MAP3K2: variants seen among roughly 807,000 people sequenced by gnomAD.
The protein encoded by MAP3K2 is MAP/ERK kinase kinase 2.
Under a neutral mutation model 80.3 loss-of-function variants are expected in MAP3K2, and 24 were observed. The ratio of observed to expected loss-of-function variants is 0.30; its 90% CI spans 0.22 to 0.42. The LOEUF (loss-of-function observed/expected upper bound fraction) is 0.42, where lower values mean the gene tolerates loss of function less well. Ranked by LOEUF, MAP3K2 falls within the 10% of genes least tolerant of loss-of-function variation. The pLI, the probability that MAP3K2 is intolerant of heterozygous loss-of-function variation, is 1.00. For synonymous variants in MAP3K2, 244 were observed against 253.7 expected (o/e 0.96, Z 0.36); for missense variants, 608 against 750.1 (o/e 0.81, Z 2.21).
chr2:127,329,514 GC>G (rs1686210801), intron 7 of MAP3K2, among the ~76,000 whole-genome samples: 1 of 151,990 alleles, frequency 6.6e-6, no homozygotes, highest in Non-Finnish European at 1.5e-5. Context: ...GCACCACCAC[GC>G]CCAGCTAATT....
chr2:127,355,381 C>T (rs957018300), intron 1 of MAP3K2, among the ~76,000 whole-genome samples: 2 of 151,970 alleles, frequency 1.3e-5, no homozygotes, highest in African/African-American at 2.4e-5. Flanking sequence ...TGAGATATTG[C>T]GGGTTCAGTT....
At chr2:127,349,620 G>T (rs998656870) in intron 1 of MAP3K2, among the ~76,000 whole-genome samples, 1 of 152,026 alleles carries the variant, frequency 6.6e-6, no homozygotes, top group African/African-American at 2.4e-5. Context: ...TAAAATCTGA[G>T]GGCCAAAAAG....
At chr2:127,343,757 GC>G (rs1314309522) in intron 1 of MAP3K2, among the ~76,000 whole-genome samples, 1 of 152,218 alleles carries the variant, frequency 6.6e-6, no homozygotes, top group Admixed American at 6.5e-5. Context: ...AGTGGCTCAT[GC>G]CATAATCCCA....
At chr2:127,361,726 T>C (rs1686895367) in intron 1 of MAP3K2, among the ~76,000 whole-genome samples, 1 of 152,242 alleles carries the variant, frequency 6.6e-6, no homozygotes, top group African/African-American at 2.4e-5. Flanking sequence ...AAAGAATGTG[T>C]AGTTTATTTG....
chr2:127,362,078 T>C (rs1024113283), intron 1 of MAP3K2, among the ~76,000 whole-genome samples: 3 of 152,246 alleles, frequency 2.0e-5, no homozygotes, highest in South Asian at 2.1e-4. Context: ...ACAATATATT[T>C]GTAATTTTTA....
chr2:127,359,613 T>C (rs974831809), intron 1 of MAP3K2, among the ~76,000 whole-genome samples: 1 of 152,174 alleles, frequency 6.6e-6, no homozygotes, highest in Non-Finnish European at 1.5e-5. Flanking sequence ...AAATCTCATG[T>C]TGAAATGTAA....
chr2:127,307,478 TCCCCCA>T lies in MAP3K2; in HGVS notation c.*95_*100del. The T allele has an allele frequency of 1.7e-6, 1 of 579,326 alleles. No individual in the cohort carries two copies. Among genetic ancestry groups the T allele is most frequent in the Non-Finnish European group, 2.9e-6 (1 of 349,254 alleles). 35.9% of individuals were successfully genotyped at this position (579,326 alleles called of 1,614,324 possible). A position where few individuals can be genotyped will look rare whatever the true frequency, so the allele number is the denominator to read the frequency against. ...AATACTTTCCCTCTTGTCTTTTTTC[TCCCCCA>T]TCTCTCTTTTTTTATAAAAAAGAAA... On this transcript the variant is annotated 3_prime_UTR_variant, in exon 17 of 17. Coordinates refer to ENST00000682094, the MANE Select transcript of MAP3K2 (RefSeq NM_001371910.2). The surrounding 1 kb of genome is among the most constrained non-coding windows in gnomAD (Gnocchi z 5.4).
intron 12 of MAP3K2, among the ~76,000 whole-genome samples, chr2:127,319,575 C>T (rs1328270963): frequency 1.5e-5 from 2 of 135,720 alleles, no homozygotes; most frequent in Admixed American, 1.7e-4. Context: ...GAGGCCGAGG[C>T]GGACAGATCA....
At chr2:127,313,514 G>T (rs1685846340) in intron 15 of MAP3K2, among the ~76,000 whole-genome samples, 1 of 152,124 alleles carries the variant, frequency 6.6e-6, no homozygotes, top group East Asian at 1.9e-4. Flanking sequence ...GTCTGAATAT[G>T]GCCATAATTA....
intron 1 of MAP3K2, among the ~76,000 whole-genome samples, chr2:127,369,009 G>A (rs928503436): frequency 8.6e-5 from 13 of 151,834 alleles, no homozygotes; most frequent in Non-Finnish European, 1.6e-4. Flanking sequence ...GTGCAGTGGC[G>A]GGATCTCGGC....
intron 1 of MAP3K2, among the ~76,000 whole-genome samples, chr2:127,377,140 T>A (rs762802752): frequency 6.6e-6 from 1 of 152,082 alleles, no homozygotes; most frequent in Non-Finnish European, 1.5e-5. Flanking sequence ...ATACTTTAAC[T>A]ATGGACATTA....
intron 1 of MAP3K2, among the ~76,000 whole-genome samples, chr2:127,383,480 T>C (rs1031333783): frequency 6.6e-6 from 1 of 152,248 alleles, no homozygotes; most frequent in Admixed American, 6.5e-5. Context: ...TTCAGTTGGA[T>C]CGTCATTGGT....
chr2:127,387,298 TA>T (rs1385882496), intron 1 of MAP3K2, among the ~76,000 whole-genome samples, 153 bp downstream of exon 1: 12 of 151,652 alleles, frequency 7.9e-5, no homozygotes, highest in African/African-American at 4.8e-5. Flanking sequence ...CTCCCGCAGC[TA>T]GGCAATCACC....
At chr2:127,361,812 T>A (rs1050363102) in intron 1 of MAP3K2, among the ~76,000 whole-genome samples, 1 of 152,238 alleles carries the variant, frequency 6.6e-6, no homozygotes, top group Non-Finnish European at 1.5e-5. Flanking sequence ...CATAGGGACC[T>A]GGGTTCAAAA....
chr2:127,326,535 G>A (rs1460115771), intron 8 of MAP3K2, among the ~76,000 whole-genome samples, 152 bp downstream of exon 8: 3 of 152,040 alleles, frequency 2.0e-5, no homozygotes, highest in African/African-American at 7.2e-5. Context: ...AAATTAATGG[G>A]CATTTTCCTA....
intron 1 of MAP3K2, among the ~76,000 whole-genome samples, chr2:127,366,216 A>T (rs917734739): frequency 6.6e-6 from 1 of 152,168 alleles, no homozygotes; most frequent in Non-Finnish European, 1.5e-5. Flanking sequence ...ACAAACGTCA[A>T]TACCAATTTA....
rs1686043175 is a variant in MAP3K2, at chr2:127,322,432, TATG to T, written c.839-183_839-181del. Reference sequence around the variant, plus strand: ...CTGAATACAAATTCAAATAATCTCTTATGATAAAACATGTATGAGTGTGCACAC... The same window carrying T: ...CTGAATACAAATTCAAATAATCTCTTATAAAACATGTATGAGTGTGCACAC... On this transcript the variant is annotated intron_variant, in intron 11 of 16. Coordinates refer to ENST00000682094, the MANE Select transcript of MAP3K2 (RefSeq NM_001371910.2). This position sits in a 1 kb window ranked among gnomAD's most constrained non-coding sequence, Gnocchi z 4.2. Among the ~76,000 whole-genome samples the T allele has an allele frequency of 6.7e-6, 1 of 149,972 alleles. No homozygotes were observed. The highest frequency in any genetic ancestry group is 2.1e-4 in the South Asian group (1 of 4,822).
chr2:127,375,410 A>ATTT (rs775598052), intron 1 of MAP3K2, among the ~76,000 whole-genome samples: 15 of 126,294 alleles, frequency 1.2e-4, no homozygotes, highest in Non-Finnish European at 1.3e-4. Flanking sequence ...TTATTTATTT[A>ATTT]TTTATTTATT....
intron 1 of MAP3K2, among the ~76,000 whole-genome samples, chr2:127,353,093 G>T (rs531777282): frequency 6.6e-6 from 1 of 152,174 alleles, no homozygotes; most frequent in East Asian, 1.9e-4. Context: ...CCAAAGTGCC[G>T]AGATTGCAGC....
Sources: gnomAD v4.1 joint callset for allele counts (sites outside exome capture counted in the v4.1 genomes callset) on GRCh38, gnomAD v4.1.1 for gene constraint, Gnocchi (gnomAD v3.1) non-coding constraint, MANE v1.5 for transcripts, NCBI Gene and HGNC (gene_info 2026-07-23, HGNC 2026-07-21) for gene names.